The following RARB variants were observed in gnomAD, a reference collection of about 807,000 sequenced individuals.
The protein encoded by RARB is retinoic acid receptor beta, also known as HBV-activated protein.
RARB carries 17 observed loss-of-function variants against 51.9 expected under a neutral mutation model. That is an observed-to-expected ratio of 0.33 (90% CI 0.22 to 0.49). RARB has a LOEUF of 0.49. Among genes scored for constraint, RARB ranks in the 20% least tolerant of loss-of-function variants. RARB has a pLI of 0.99. For synonymous variants in RARB, 215 were observed against 195.4 expected (o/e 1.10, Z -0.84); for missense variants, 369 against 550.8 (o/e 0.67, Z 3.30).
intron 2 of RARB, among the ~76,000 whole-genome samples, chr3:24,914,143 C>T (rs1204279341): frequency 1.3e-5 from 2 of 152,116 alleles, no homozygotes; most frequent in African/African-American, 2.4e-5. Flanking sequence ...TGTACCATTC[C>T]ACCTTCTATA....
chr3:25,339,123 A>G (rs749834360), intron 5 of RARB, among the ~76,000 whole-genome samples: 9 of 152,242 alleles, frequency 5.9e-5, no homozygotes, highest in Non-Finnish European at 1.3e-4. Flanking sequence ...AAAATATTAA[A>G]TTGTTTTGAA....
At position 25,170,804 on chromosome 3, in the gene RARB, A is replaced by G. The variant is rs575269537; in HGVS notation, c.-279-3315A>G. ...ATTATATACATATGTGTGGAGAAAA[A>G]TAGAAAAATAAATTATTTTGTTAAT... is the stretch of plus-strand genomic sequence containing the variant. On this transcript the variant is annotated intron_variant, in intron 4 of 11. Transcript: ENST00000383772. Among the ~76,000 whole-genome samples, 20 of 152,258 alleles carry G rather than the reference A, an allele frequency of 1.3e-4. No individual in the cohort carries two copies. In the South Asian group the frequency reaches 4.1e-3, roughly 32 times the overall value.
At chr3:24,911,506 A>G (rs1044200631) in intron 2 of RARB, among the ~76,000 whole-genome samples, 1 of 152,244 alleles carries the variant, frequency 6.6e-6, no homozygotes, top group African/African-American at 2.4e-5. Flanking sequence ...GGGACCAAGC[A>G]TAAATGTTAC....
chr3:25,396,458 T>G (rs1425489557), intron 5 of RARB, among the ~76,000 whole-genome samples: 2 of 152,228 alleles, frequency 1.3e-5, no homozygotes, highest in Non-Finnish European at 2.9e-5. Flanking sequence ...AGTTGCTGAA[T>G]GGCTTGAGTA....
chr3:25,189,944 T>A (rs893881429), intron 5 of RARB, among the ~76,000 whole-genome samples: 3 of 152,038 alleles, frequency 2.0e-5, no homozygotes, highest in Non-Finnish European at 2.9e-5. Context: ...GATCCCCGGA[T>A]AAACTCCTCA....
At chr3:25,267,331 A>G (rs977304392) in intron 5 of RARB, among the ~76,000 whole-genome samples, 3 of 152,196 alleles carry the variant, frequency 2.0e-5, no homozygotes, top group African/African-American at 7.2e-5. Flanking sequence ...AAGCCTTTAA[A>G]TGTTAAAGCA....
intron 5 of RARB, among the ~76,000 whole-genome samples, chr3:25,370,194 A>ATG (rs1460460702): frequency 6.6e-6 from 1 of 152,188 alleles, no homozygotes; most frequent in Non-Finnish European, 1.5e-5. Flanking sequence ...GGAAAGCAGG[A>ATG]TGGAGGTATG....
At chr3:25,264,400 C>A (rs1703078025) in intron 5 of RARB, among the ~76,000 whole-genome samples, 1 of 152,108 alleles carries the variant, frequency 6.6e-6, no homozygotes, top group African/African-American at 2.4e-5. Context: ...AAGACCCAGT[C>A]TCCAGCAAAA....
intron 2 of RARB, among the ~76,000 whole-genome samples, chr3:24,911,803 T>C (rs552272027): frequency 3.6e-4 from 55 of 152,224 alleles, no homozygotes; most frequent in African/African-American, 1.2e-3. Flanking sequence ...AAGTACCATA[T>C]TGTGGATTAA....
At chr3:25,171,491 A>G (rs1401768409) in intron 4 of RARB, among the ~76,000 whole-genome samples, 2 of 135,674 alleles carry the variant, frequency 1.5e-5, no homozygotes, top group African/African-American at 5.3e-5. Context: ...AGTTTAAAAA[A>G]AAAAAAAAAA....
intron 6 of RARB, 122 bp downstream of exon 6, chr3:25,593,829 C>A (rs1425515434): frequency 2.2e-6 from 2 of 905,316 alleles, no homozygotes; most frequent in Non-Finnish European, 3.3e-6. Context: ...GTGAATAAAG[C>A]CAGGCATACA....
intron 3 of RARB, among the ~76,000 whole-genome samples, chr3:25,110,173 C>T (rs1699577370): frequency 6.6e-6 from 1 of 152,168 alleles, no homozygotes; most frequent in South Asian, 2.1e-4. Context: ...ATGGGAATTG[C>T]AATACTCATA....
chr3:25,332,325 C>A (rs1214956597), intron 5 of RARB, among the ~76,000 whole-genome samples: 1 of 152,180 alleles, frequency 6.6e-6, no homozygotes, highest in Non-Finnish European at 1.5e-5. Context: ...AGGTTATCCA[C>A]CACGATCAAG....
chr3:25,266,938 C>T (rs1021307975), intron 5 of RARB, among the ~76,000 whole-genome samples: 4 of 152,162 alleles, frequency 2.6e-5, no homozygotes, highest in African/African-American at 9.7e-5. Flanking sequence ...CCAGGCTATG[C>T]TATCTTGATG....
intron 3 of RARB, among the ~76,000 whole-genome samples, chr3:25,537,213 C>G (rs1699176611): frequency 6.6e-6 from 1 of 152,152 alleles, no homozygotes; most frequent in Admixed American, 6.5e-5. Flanking sequence ...TCAAGAGAGG[C>G]CTGCTGACAG....
chr3:24,898,034 C>T (rs1226048447), intron 2 of RARB, among the ~76,000 whole-genome samples: 4 of 152,058 alleles, frequency 2.6e-5, no homozygotes, highest in Admixed American at 6.6e-5. Context: ...AGACTTTAGA[C>T]CTCATGGTTT....
At chr3:25,510,220 C>T (rs1249986092) in intron 3 of RARB, among the ~76,000 whole-genome samples, 1 of 152,224 alleles carries the variant, frequency 6.6e-6, no homozygotes, top group Non-Finnish European at 1.5e-5. Context: ...TTCTAATTCC[C>T]AGCATCCTTT....
intron 2 of RARB, among the ~76,000 whole-genome samples, chr3:25,486,162 C>G (rs1286657): frequency 0.34 from 52,356 of 151,946 alleles, 9,283 homozygotes; most frequent in East Asian, 0.52. Context: ...TTCTTTAGCT[C>G]GTTGGATCTT....
intron 5 of RARB, among the ~76,000 whole-genome samples, chr3:25,299,760 A>AAAAT (rs150498236): frequency 4.2e-4 from 63 of 150,984 alleles, no homozygotes; most frequent in Admixed American, 9.9e-4. Flanking sequence ...GGCACCAAAA[A>AAAAT]AAATAAATAA....
Sources: allele counts gnomAD v4.1 joint callset (sites outside exome capture counted in the v4.1 genomes callset), GRCh38; gene constraint gnomAD v4.1.1; transcripts MANE v1.5; gene names NCBI Gene and HGNC (gene_info 2026-07-23, HGNC 2026-07-21).